The following TMEM244 variants were observed in gnomAD, a reference collection of about 807,000 sequenced individuals.
TMEM244 encodes transmembrane protein 244, also known as putative transmembrane protein 244.
A neutral mutation model predicts 15.8 loss-of-function variants in TMEM244; 13 were observed. The observed-to-expected ratio is 0.82, with a 90% CI of 0.53 to 1.30. The LOEUF (loss-of-function observed/expected upper bound fraction) is 1.30. TMEM244 is among the 50% of genes most tolerant of loss of function. The probability of loss-of-function intolerance (pLI) is 0.00; values close to 1 mark genes in which losing one functional copy is unlikely to be tolerated. For missense variants in TMEM244, 161 were observed against 144.9 expected (o/e 1.11, Z -0.57); for synonymous variants, 45 against 48.7 (o/e 0.92, Z 0.32).
intron 3 of TMEM244, among the ~76,000 whole-genome samples, chr6:129,838,466 G>A (rs1776439406): frequency 6.6e-6 from 1 of 152,090 alleles, no homozygotes; most frequent in Admixed American, 6.5e-5. Flanking sequence ...AGCACTAAAT[G>A]CCCACAAGAG....
At position 129,855,352 on chromosome 6, in the gene TMEM244, G is replaced by A. The variant is rs192293968; in HGVS notation, c.33+5804C>T. Among the ~76,000 whole-genome samples the A allele has an allele frequency of 4.6e-5, 7 of 152,206 alleles. No homozygotes were observed. The South Asian group carries it at 8.3e-4, about 18-fold the overall frequency. On this transcript the variant is annotated intron_variant, in intron 1 of 4. Transcript: ENST00000368143. ...TCTAGACAGCCTTGCTAAAGATGAC[G>A]GGGTATAGTGTCAAGCTAATGTGAC...
chr6:129,834,137 G>A (rs1441364310), intron 3 of TMEM244, among the ~76,000 whole-genome samples: 1 of 152,226 alleles, frequency 6.6e-6, no homozygotes, highest in Non-Finnish European at 1.5e-5. Flanking sequence ...TCTCATAAAT[G>A]ACAGGTATGG....
chr6:129,850,862 A>G (rs1383200995), intron 1 of TMEM244, among the ~76,000 whole-genome samples: 1 of 152,208 alleles, frequency 6.6e-6, no homozygotes, highest in Non-Finnish European at 1.5e-5. Context: ...CTAAATGGCC[A>G]TGTGTGGCCA....
chr6:129,858,473 C>G (rs1776749745), intron 1 of TMEM244, among the ~76,000 whole-genome samples: 1 of 152,196 alleles, frequency 6.6e-6, no homozygotes, highest in Non-Finnish European at 1.5e-5. Flanking sequence ...GCTATATTCT[C>G]TAGGTCTGGC....
chr6:129,841,215 C>T (rs1341679004), intron 3 of TMEM244, among the ~76,000 whole-genome samples: 1 of 152,176 alleles, frequency 6.6e-6, no homozygotes, highest in Non-Finnish European at 1.5e-5. Context: ...AAATGTGGCA[C>T]ATATACACCA....
intron 1 of TMEM244, among the ~76,000 whole-genome samples, chr6:129,850,880 C>T (rs1283086117): frequency 1.3e-5 from 2 of 152,194 alleles, no homozygotes; most frequent in Admixed American, 1.3e-4. Flanking sequence ...CCAGTGGCTG[C>T]CACGGTGGAC....
chr6:129,839,854 T>C (rs983780659), intron 3 of TMEM244, among the ~76,000 whole-genome samples: 11 of 152,064 alleles, frequency 7.2e-5, no homozygotes, highest in African/African-American at 2.7e-4. Flanking sequence ...ATAAAATACC[T>C]AGGAATCTAA....
intron 1 of TMEM244, among the ~76,000 whole-genome samples, chr6:129,846,188 A>T (rs1432684600): frequency 3.3e-5 from 5 of 152,232 alleles, no homozygotes; most frequent in Admixed American, 1.3e-4. Flanking sequence ...AATAATACAT[A>T]GTCTCTATAT....
chr6:129,841,535 A>G (rs970919943), intron 3 of TMEM244, among the ~76,000 whole-genome samples: 1 of 152,082 alleles, frequency 6.6e-6, no homozygotes, highest in Admixed American at 6.6e-5. Flanking sequence ...AAACCTGCAC[A>G]TTGTGCCCAT....
At chr6:129,837,363 G>C (rs9375667) in intron 3 of TMEM244, among the ~76,000 whole-genome samples, 56,682 of 151,940 alleles carry the variant, frequency 0.37, 11,071 homozygotes, top group South Asian at 0.5. Flanking sequence ...CCTTTACAGA[G>C]AAGCAAATGC....
chr6:129,846,558 A>G (rs896088479), intron 1 of TMEM244, among the ~76,000 whole-genome samples: 1 of 152,174 alleles, frequency 6.6e-6, no homozygotes, highest in East Asian at 1.9e-4. Context: ...ATACAAATCC[A>G]TATCTCTTAC....
intron 1 of TMEM244, among the ~76,000 whole-genome samples, chr6:129,849,667 C>A (rs1325292892): frequency 6.6e-6 from 1 of 152,152 alleles, no homozygotes. Context: ...AATTCTGGGA[C>A]AGGCTCCAGG....
At chr6:129,846,129 C>T (rs1454223093) in intron 1 of TMEM244, among the ~76,000 whole-genome samples, 8 of 152,106 alleles carry the variant, frequency 5.3e-5, no homozygotes, top group Admixed American at 5.2e-4. Context: ...CATTAATAGC[C>T]TCTAGATATT....
chr6:129,859,780 G>A (rs541739686), intron 1 of TMEM244, among the ~76,000 whole-genome samples: 1 of 152,252 alleles, frequency 6.6e-6, no homozygotes, highest in African/African-American at 2.4e-5. Flanking sequence ...CCCAATGCCT[G>A]GCACATTGCA....
At chr6:129,850,884 G>A (rs1365157975) in intron 1 of TMEM244, among the ~76,000 whole-genome samples, 1 of 152,052 alleles carries the variant, frequency 6.6e-6, no homozygotes, top group East Asian at 1.9e-4. Flanking sequence ...TGGCTGCCAC[G>A]GTGGACAAGA....
chr6:129,846,287 C>A (rs557823305), intron 1 of TMEM244, among the ~76,000 whole-genome samples: 1 of 152,208 alleles, frequency 6.6e-6, no homozygotes, highest in East Asian at 1.9e-4. Context: ...CATTCACTTA[C>A]TATAAAATTT....
chr6:129,858,882 C>T (rs1490828958), intron 1 of TMEM244, among the ~76,000 whole-genome samples: 1 of 151,944 alleles, frequency 6.6e-6, no homozygotes, highest in Admixed American at 6.6e-5. Context: ...TAACCTCTGC[C>T]TCCCGGCTTC....
intron 1 of TMEM244, among the ~76,000 whole-genome samples, chr6:129,856,488 T>A (rs1326672344): frequency 6.6e-6 from 1 of 152,096 alleles, no homozygotes; most frequent in Non-Finnish European, 1.5e-5. Context: ...CAGGAAACTA[T>A]CAAAGAAACA....
intron 2 of TMEM244, among the ~76,000 whole-genome samples, chr6:129,845,142 A>G (rs1776544126): frequency 1.3e-5 from 2 of 152,214 alleles, no homozygotes; most frequent in Admixed American, 6.5e-5. Context: ...GGATGATTCC[A>G]TTTGACAAAT....
Sources: gnomAD v4.1 joint callset for allele counts (sites outside exome capture counted in the v4.1 genomes callset) on GRCh38, gnomAD v4.1.1 for gene constraint, MANE v1.5 for transcripts, NCBI Gene and HGNC (gene_info 2026-07-23, HGNC 2026-07-21) for gene names.